Variants in ERC2 observed in about 807,000 individuals in gnomAD.
The protein encoded by ERC2 is ERC protein 2.
ERC2 carries 42 observed loss-of-function variants against 114.8 expected under a neutral mutation model. The observed-to-expected ratio is 0.37, with a 90% CI of 0.29 to 0.47. The LOEUF is 0.47. Ranked by LOEUF, ERC2 falls within the 20% of genes least tolerant of loss-of-function variation. ERC2 has a pLI of 0.99. For synonymous variants in ERC2, 454 were observed against 425.5 expected (o/e 1.07, Z -0.82); for missense variants, 939 against 1,150.7 (o/e 0.82, Z 2.66).
intron 2 of ERC2, among the ~76,000 whole-genome samples, chr3:56,331,658 G>GAAA (rs397813046): frequency 6.6e-6 from 1 of 152,044 alleles, no homozygotes; most frequent in Non-Finnish European, 1.5e-5. Flanking sequence ...GATGGAAGAA[G>GAAA]TACAGGAGAG....
chr3:56,088,735 T>C (rs2077632779), intron 6 of ERC2, among the ~76,000 whole-genome samples: 1 of 152,184 alleles, frequency 6.6e-6, no homozygotes, highest in African/African-American at 2.4e-5. Context: ...GTCATGAACA[T>C]TTCTAAGGTA....
intron 3 of ERC2, among the ~76,000 whole-genome samples, chr3:56,219,859 T>A (rs2049779491): frequency 6.6e-6 from 1 of 152,082 alleles, no homozygotes; most frequent in Non-Finnish European, 1.5e-5. Flanking sequence ...TTACTCCTGA[T>A]AAGTTTGGGC....
chr3:55,700,154 C>T (rs751472846), intron 15 of ERC2, among the ~76,000 whole-genome samples: 5 of 152,204 alleles, frequency 3.3e-5, no homozygotes, highest in South Asian at 2.1e-4. Context: ...TTACAATCCA[C>T]GATGCCTGTC....
chr3:55,809,741 C>T (rs1246233918), intron 14 of ERC2, among the ~76,000 whole-genome samples: 1 of 151,948 alleles, frequency 6.6e-6, no homozygotes, highest in Non-Finnish European at 1.5e-5. Flanking sequence ...AGCTGGTTGG[C>T]ATCCGTGCCT....
chr3:56,074,517 A>G (rs1385857793), intron 7 of ERC2, among the ~76,000 whole-genome samples: 2 of 152,202 alleles, frequency 1.3e-5, no homozygotes, highest in Non-Finnish European at 2.9e-5. Context: ...TAACAATCCA[A>G]TAAATTAGAA....
intron 7 of ERC2, 70 bp from the exon 8 acceptor site, chr3:56,019,101 T>A (rs920505317): frequency 2.2e-5 from 26 of 1,199,318 alleles, no homozygotes; most frequent in Non-Finnish European, 3.0e-5. Context: ...CTGAAGTGGA[T>A]CTATTAATAA....
At chr3:55,736,566 G>A (rs1360816110) in intron 14 of ERC2, among the ~76,000 whole-genome samples, 1 of 151,906 alleles carries the variant, frequency 6.6e-6, no homozygotes, top group East Asian at 1.9e-4. Context: ...TAGACTTGAC[G>A]CTCCATGAAA....
intron 2 of ERC2, among the ~76,000 whole-genome samples, chr3:56,314,535 G>C (rs2056775218): frequency 6.6e-6 from 1 of 152,024 alleles, no homozygotes; most frequent in Non-Finnish European, 1.5e-5. Context: ...AATAATGTTT[G>C]GCTGTGTCTA....
intron 17 of ERC2, among the ~76,000 whole-genome samples, chr3:55,597,173 C>A (rs9882946): frequency 0.015 from 2,289 of 152,294 alleles, 66 homozygotes; most frequent in African/African-American, 0.052. Context: ...GTAATCCCAG[C>A]ACTTTGGGAG....
chr3:55,576,963 C>G (rs1180288165), intron 17 of ERC2, among the ~76,000 whole-genome samples: 2 of 152,222 alleles, frequency 1.3e-5, no homozygotes, highest in Non-Finnish European at 2.9e-5. Context: ...CGTGCTCTGT[C>G]TTAGACAAGT....
At chr3:55,536,582 A>C (rs1036864779) in intron 17 of ERC2, among the ~76,000 whole-genome samples, 4 of 152,256 alleles carry the variant, frequency 2.6e-5, no homozygotes, top group Non-Finnish European at 5.9e-5. Context: ...AGTCTCTGTC[A>C]AAGGAGTTGA....
intron 10 of ERC2, among the ~76,000 whole-genome samples, chr3:55,996,064 C>A (rs933248585): frequency 1.3e-5 from 2 of 152,190 alleles, no homozygotes; most frequent in African/African-American, 4.8e-5. Flanking sequence ...GCGAAAAAAG[C>A]AGATTTGAAT....
intron 3 of ERC2, among the ~76,000 whole-genome samples, chr3:56,252,815 A>G (rs909304875): frequency 5.3e-5 from 8 of 152,054 alleles, no homozygotes; most frequent in African/African-American, 1.9e-4. Context: ...AAAATATTAC[A>G]TGGGATGCTA....
At chr3:55,764,257 G>A (rs1575527546) in intron 14 of ERC2, among the ~76,000 whole-genome samples, 1 of 152,218 alleles carries the variant, frequency 6.6e-6, no homozygotes, top group Admixed American at 6.5e-5. Context: ...CAGATGAAAA[G>A]CACATTTGCA....
intron 6 of ERC2, among the ~76,000 whole-genome samples, chr3:56,115,421 C>A (rs972441140): frequency 6.6e-6 from 1 of 152,026 alleles, no homozygotes; most frequent in Non-Finnish European, 1.5e-5. Flanking sequence ...AGGAACCAGC[C>A]CCCATTCTTC....
chr3:55,672,011 T>G (rs1435379912), intron 17 of ERC2, among the ~76,000 whole-genome samples: 1 of 152,184 alleles, frequency 6.6e-6, no homozygotes, highest in Non-Finnish European at 1.5e-5. Context: ...CCAGCTTTGC[T>G]CAAACTTATT....
intron 17 of ERC2, among the ~76,000 whole-genome samples, chr3:55,590,139 G>A (rs1055630948): frequency 1.8e-4 from 27 of 152,138 alleles, no homozygotes; most frequent in Admixed American, 1.3e-3. Context: ...GTAGGATAAC[G>A]ATGGCCAATG....
intron 2 of ERC2, among the ~76,000 whole-genome samples, chr3:56,354,861 A>T (rs993044414): frequency 3.9e-5 from 6 of 152,204 alleles, no homozygotes; most frequent in African/African-American, 1.4e-4. Flanking sequence ...CTGAAGGCTA[A>T]TTTACTTCTG....
intron 7 of ERC2, among the ~76,000 whole-genome samples, chr3:56,026,057 C>CTTTTTTT (rs59635680): frequency 2.5e-4 from 17 of 69,208 alleles, no homozygotes; most frequent in South Asian, 6.2e-4. Context: ...CCGTTTCTTT[C>CTTTTTTT]TTTTTTTTTT....
Sources: gnomAD v4.1 joint callset for allele counts (sites outside exome capture counted in the v4.1 genomes callset) on GRCh38, gnomAD v4.1.1 for gene constraint, MANE v1.5 for transcripts, NCBI Gene and HGNC (gene_info 2026-07-23, HGNC 2026-07-21) for gene names.